Variants in ADAMTS4 observed in about 807,000 individuals in gnomAD.
The protein encoded by ADAMTS4 is ADAM metallopeptidase with thrombospondin type 1 motif 4.
In ADAMTS4, 38 loss-of-function variants were observed where a neutral mutation model predicts 66.7. That is an observed-to-expected ratio of 0.57 (90% CI 0.44 to 0.75). The LOEUF (loss-of-function observed/expected upper bound fraction) is 0.75, where lower values mean the gene tolerates loss of function less well. Ranked by LOEUF, ADAMTS4 falls within the 30% of genes least tolerant of loss-of-function variation. The pLI is 0.00. For synonymous variants in ADAMTS4, 418 were observed against 461.5 expected (o/e 0.91, Z 1.21); for missense variants, 1,014 against 1,116.7 (o/e 0.91, Z 1.31).
chr1:161,198,657 AG>A lies in ADAMTS4; in HGVS notation c.-31del. 1 of 1,466,974 alleles carries A rather than the reference AG, an allele frequency of 6.8e-7. No individual in the cohort carries two copies. Among genetic ancestry groups the A allele is most frequent in the Non-Finnish European group, 9.0e-7 (1 of 1,105,584 alleles). The allele number at this position is 1,466,974 out of a possible 1,614,324, so 90.9% of individuals were successfully genotyped here. On this transcript the variant is annotated 5_prime_UTR_variant, in exon 1 of 9. Coordinates refer to ENST00000367996, the MANE Select transcript of ADAMTS4 (RefSeq NM_005099.6). This position sits in a 1 kb window ranked among gnomAD's most constrained non-coding sequence, Gnocchi z 4.7. ...CTGGTACTGCAGCTGGGAGGGACTG[AG>A]GCCGTCTAGGGCACCAAGTCCTCCA...
Position 161,186,632 on chromosome 1 carries a change from C to G in ADAMTS4, c.*4506G>C, listed in dbSNP as rs1166453262. 2.0e-5 allele frequency: 3 copies of G among 152,152 alleles called. No individual in the cohort carries two copies. The highest frequency in any genetic ancestry group is 4.4e-5 in the Non-Finnish European group (3 of 68,044). The allele number at this position is 152,152 out of a possible 1,614,324, so 9.4% of individuals were successfully genotyped here. A position where few individuals can be genotyped will look rare whatever the true frequency, so the allele number is the denominator to read the frequency against. ...GGCTGAGGTGGGAGGATTACTCGAG[C>G]CCAGGAGTTCAAGGCTGTAGTAAGT... On this transcript the variant is annotated 3_prime_UTR_variant, in exon 9 of 9. Transcript: ENST00000367996.
In ADAMTS4 at chr1:161,194,244, A is replaced by C; in HGVS notation, c.1262-23T>G. 6.2e-7 allele frequency: 1 copy of C among 1,604,600 alleles called. No homozygotes were observed. The highest frequency in any genetic ancestry group is 2.2e-5 in the East Asian group (1 of 44,712). On this transcript the variant is annotated intron_variant, in intron 4 of 8. Coordinates refer to ENST00000367996, the MANE Select transcript of ADAMTS4 (RefSeq NM_005099.6). The surrounding 1 kb of genome is among the most constrained non-coding windows in gnomAD (Gnocchi z 4.1). The stretch of plus-strand genomic sequence containing the variant: ...GCCCTGGGAAGGGGGTTGGGGCACA[A>C]AGTCAGCAACGGGCTGAGGGGAGCA...
In ADAMTS4 at chr1:161,186,242, C is replaced by G. The variant is rs996646719; in HGVS notation, c.*4896G>C. ...CTCTTACAGGGAGATATGTGCCCCC[C>G]CACAATCCCATCCCTAGCAAGAACT... On this transcript the variant is annotated 3_prime_UTR_variant, in exon 9 of 9. Coordinates refer to ENST00000367996, the MANE Select transcript of ADAMTS4 (RefSeq NM_005099.6). The G allele has an allele frequency of 1.3e-5, 2 of 152,224 alleles. No individual in the cohort carries two copies. Among genetic ancestry groups the G allele is most frequent in the East Asian group, 1.9e-4 (1 of 5,188 alleles). 9.4% of individuals were successfully genotyped at this position (152,224 alleles called of 1,614,324 possible). A position where few individuals can be genotyped will look rare whatever the true frequency, so the allele number is the denominator to read the frequency against.
intron 3 of ADAMTS4, chr1:161,195,934 GACACAC>G (rs57224018): frequency 3.8e-3 from 1,683 of 438,110 alleles, no homozygotes; most frequent in East Asian, 0.015. Context: ...CACACACACA[GACACAC>G]ACACACACAC....
Position 161,193,656 on chromosome 1 carries a change from G to A in ADAMTS4, c.1719C>T (p.Asp573=). Residue 573 remains aspartate, a synonymous_variant, in exon 6 of 9, where the codon GAC becomes GAT. Transcript: ENST00000367996. This position sits in a 1 kb window ranked among gnomAD's most constrained non-coding sequence, Gnocchi z 4.4. ...RTRFRSCNTE[D]CPTGSALTFR... The stretch of plus-strand genomic sequence containing the variant: ...ACTCCTCACCTGAGCCAGTTGGGCA[G>A]TCCTCAGTGTTGCAGGAGCGGAAGC... The A allele has an allele frequency of 6.2e-7, 1 of 1,612,216 alleles. No individual in the cohort carries two copies. The highest frequency in any genetic ancestry group is 2.2e-5 in the East Asian group (1 of 44,878).
chr1:161,191,964 C>T, intron 8 of ADAMTS4, 101 bp downstream of exon 8: 2 of 1,372,066 alleles, frequency 1.5e-6, no homozygotes, highest in Non-Finnish European at 2.0e-6. Context: ...TCCCGCTAGA[C>T]TGTGAGCTCT....
rs1373536308 is a variant in ADAMTS4, at chr1:161,186,344, A to G, written c.*4794T>C. ...TGGTAAGGCAGAGACCATTCCAGAA[A>G]AGGGTCAGGCCTTGCCTGGGATTGA... On this transcript the variant is annotated 3_prime_UTR_variant, in exon 9 of 9. Coordinates refer to ENST00000367996, the MANE Select transcript of ADAMTS4 (RefSeq NM_005099.6). 2 of 152,222 alleles carry G rather than the reference A, an allele frequency of 1.3e-5. No homozygotes were observed. The allele number at this position is 152,222 out of a possible 1,614,324, so 9.4% of individuals were successfully genotyped here.
In ADAMTS4 at chr1:161,198,852, T is replaced by C; in HGVS notation, c.-225A>G. On this transcript the variant is annotated 5_prime_UTR_variant, in exon 1 of 9. Transcript: ENST00000367996. The surrounding 1 kb of genome is among the most constrained non-coding windows in gnomAD (Gnocchi z 4.7). ...GTCTGGCTTCTCCAAACTCTCCTCC[T>C]GAGCCCTCCTTTCCTGGATCTTTGT... The C allele has an allele frequency of 2.1e-6, 1 of 474,350 alleles. No individual in the cohort carries two copies. The highest frequency in any genetic ancestry group is 3.7e-6 in the Non-Finnish European group (1 of 270,196). 29.4% of individuals were successfully genotyped at this position (474,350 alleles called of 1,614,324 possible).
Position 161,191,308 on chromosome 1 carries a change from T to C in ADAMTS4, c.2344A>G (p.Thr782Ala). The change falls in exon 9 of 9, where the codon ACA (threonine) becomes GCA (alanine). Residue 782 changes from threonine to alanine, a missense_variant. Transcript: ENST00000367996. ...TTGCCAGCCACTAGGACTTGCAGTGTCAAAGGCTGGGCCAGTGGCCCATGG... is the reference window on the plus strand; with the variant it reads ...TTGCCAGCCACTAGGACTTGCAGTGCCAAAGGCTGGGCCAGTGGCCCATGG... ...SGHGPLAQPLTLQVLVAGNPQ... is the reference protein window; with the variant it reads ...SGHGPLAQPLALQVLVAGNPQ... The C allele has an allele frequency of 6.2e-7, 1 of 1,613,938 alleles. No homozygotes were observed. Among genetic ancestry groups the C allele is most frequent in the East Asian group, 2.2e-5 (1 of 44,884 alleles).
At position 161,198,156 on chromosome 1, in the gene ADAMTS4, C is replaced by T. The variant is rs775332575; in HGVS notation, c.472G>A (p.Ala158Thr). Reference sequence around the variant, plus strand: ...TCCAGGGGCTGGAGGTGGAGTTCAGCCCCCCGATATTGTAACACGCCTAAC... The same window carrying T: ...TCCAGGGGCTGGAGGTGGAGTTCAGTCCCCCGATATTGTAACACGCCTAAC... ...ALLGVLQYRG[A>T]ELHLQPLEGG... is the part of the protein sequence containing the mutation. The change falls in exon 1 of 9, where the codon GCT becomes ACT. Residue 158 changes from alanine (A) to threonine (T), a missense_variant. Transcript: ENST00000367996. This position sits in a 1 kb window ranked among gnomAD's most constrained non-coding sequence, Gnocchi z 4.7. 5 of 1,613,992 alleles carry T rather than the reference C, an allele frequency of 3.1e-6. No homozygotes were observed. Among genetic ancestry groups the T allele is most frequent in the South Asian group, 1.1e-5 (1 of 91,068 alleles).
At position 161,194,183 on chromosome 1, in the gene ADAMTS4, G is replaced by T; in HGVS notation, c.1300C>A (p.Leu434Met). Residue 434 changes from leucine (L) to methionine (M), a missense_variant, in exon 5 of 9, where the codon CTG becomes ATG. Physicochemically the swap from Leu to Met is conservative, Grantham distance 15. Transcript: ENST00000367996. The surrounding 1 kb of genome is among the most constrained non-coding windows in gnomAD (Gnocchi z 4.1). Reference protein sequence around the residue: ...LLDKPEAPLHLPVTFPGKDYD... With the variant: ...LLDKPEAPLHMPVTFPGKDYD... ...TCCTTGCCAGGGAAAGTCACAGGCA[G>T]ATGCAATGGAGCCTCTGGTTTGTCT... The T allele has an allele frequency of 6.2e-7, 1 of 1,614,170 alleles. No individual in the cohort carries two copies. The highest frequency in any genetic ancestry group is 8.5e-7 in the Non-Finnish European group (1 of 1,180,014).
At chr1:161,192,413 A>G (rs576930662) in intron 7 of ADAMTS4, among the ~76,000 whole-genome samples, 173 bp from the exon 8 acceptor site, 19 of 152,140 alleles carry the variant, frequency 1.2e-4, no homozygotes, top group Non-Finnish European at 2.5e-4. Flanking sequence ...TCATAACAAT[A>G]ATAATTATTA....
In ADAMTS4 at chr1:161,191,447, G is replaced by C; in HGVS notation, c.2205C>G (p.Ser735=). The C allele has an allele frequency of 6.2e-7, 1 of 1,614,186 alleles. No homozygotes were observed. Among genetic ancestry groups the C allele is most frequent in the Non-Finnish European group, 8.5e-7 (1 of 1,180,022 alleles). ...IYLALKLPDG[S]YALNGEYTLM... ...GCGTGTATTCACCATTGAGGGCATA[G>C]GAGCCATCTGGCAGCTTCAGGGCCA... The change falls in exon 9 of 9, where the codon TCC becomes TCG. Residue 735 remains serine (S), a synonymous_variant. Coordinates refer to ENST00000367996, the MANE Select transcript of ADAMTS4 (RefSeq NM_005099.6).
At chr1:161,197,627 A>C in intron 1 of ADAMTS4, 1 of 216,004 alleles carries the variant, frequency 4.6e-6, no homozygotes, top group Non-Finnish European at 9.1e-6. Context: ...GGGGGATGAA[A>C]ATCAAATTTG....
Position 161,198,312 on chromosome 1 carries a change from C to G in ADAMTS4, c.316G>C (p.Gly106Arg), listed in dbSNP as rs150003159. The change falls in exon 1 of 9, where the codon GGG (glycine) becomes CGG (arginine). Residue 106 changes from glycine to arginine, a missense_variant. Gly to Arg is a moderately radical substitution (Grantham distance 125). Coordinates refer to ENST00000367996, the MANE Select transcript of ADAMTS4 (RefSeq NM_005099.6). This position sits in a 1 kb window ranked among gnomAD's most constrained non-coding sequence, Gnocchi z 4.7. ...TGGCCCAGGTACTGCACTGTCAGCC[C>G]CTCGACCTGCACACCGGAGTCCTGC... ...LEQDSGVQVE[G>R]LTVQYLGQAP... The G allele has an allele frequency of 4.3e-6, 7 of 1,613,368 alleles. No homozygotes were observed. The highest frequency in any genetic ancestry group is 5.9e-6 in the Non-Finnish European group (7 of 1,180,028).
At position 161,191,281 on chromosome 1, in the gene ADAMTS4, G is replaced by GC; in HGVS notation, c.2370_2371insG (p.Pro791AlafsTer111). On this transcript the variant is annotated frameshift_variant, in exon 9 of 9. Coordinates refer to ENST00000367996, the MANE Select transcript of ADAMTS4 (RefSeq NM_005099.6). LOFTEE classifies it high-confidence loss of function. ...CTGTATCGGAGGCGTGTGTCCTGGGGGTTGCCAGCCACTAGGACTTGCAGT... is the reference window on the plus strand; with the variant it reads ...CTGTATCGGAGGCGTGTGTCCTGGGGCGTTGCCAGCCACTAGGACTTGCAGT... The GC allele has an allele frequency of 6.2e-7, 1 of 1,613,970 alleles. No individual in the cohort carries two copies. The highest frequency in any genetic ancestry group is 8.5e-7 in the Non-Finnish European group (1 of 1,180,028).
chr1:161,196,600 G>C lies in ADAMTS4; in HGVS notation c.914C>G (p.Ser305Trp), dbSNP rs746852468. 6.2e-7 allele frequency: 1 copy of C among 1,614,202 alleles called. No homozygotes were observed. Among genetic ancestry groups the C allele is most frequent in the East Asian group, 2.2e-5 (1 of 44,882 alleles). The part of the protein sequence containing the change: ...WQRGLNTPED[S>W]DPDHFDTAIL... ...GGCTGTGTCAAAGTGGTCAGGGTCCGAGTCCTCAGGGGTGTTGAGGCCCCG... is the reference window on the plus strand; with the variant it reads ...GGCTGTGTCAAAGTGGTCAGGGTCCCAGTCCTCAGGGGTGTTGAGGCCCCG... The change falls in exon 2 of 9, where the codon TCG (serine) becomes TGG (tryptophan). Residue 305 changes from serine to tryptophan, a missense_variant. By Grantham distance (177) the Ser-to-Trp change is radical. Coordinates refer to ENST00000367996, the MANE Select transcript of ADAMTS4 (RefSeq NM_005099.6).
rs565561947 is a variant in ADAMTS4 at position 161,193,809 on chromosome 1, G to A, written c.1566C>T (p.Gly522=). The A allele has an allele frequency of 1.1e-5, 18 of 1,608,026 alleles. No homozygotes were observed. In the South Asian group the frequency reaches 1.9e-4, roughly 17 times the overall value. ...CACCCCATGGTCCCCAAGGACCCCA[G>A]CCACCAGCCTGTGGAATCTGCAAAG... ...LQDFNIPQAG[G]WGPWGPWGDC... Residue 522 remains glycine, a synonymous_variant, in exon 6 of 9, where the codon GGC becomes GGT. Coordinates refer to ENST00000367996, the MANE Select transcript of ADAMTS4 (RefSeq NM_005099.6). This position sits in a 1 kb window ranked among gnomAD's most constrained non-coding sequence, Gnocchi z 4.4.
In ADAMTS4 at chr1:161,196,877, AGCGCTGT is replaced by A. The variant is rs1310259770; in HGVS notation, c.634-4_636del. The A allele has an allele frequency of 6.3e-7, 1 of 1,589,236 alleles. No individual in the cohort carries two copies. Among genetic ancestry groups the A allele is most frequent in the Non-Finnish European group, 8.5e-7 (1 of 1,170,604 alleles). ...TCCACAAATCTACTCAGTGAAGCAA[AGCGCTGT>A]AGAGAAAAAGGGAGAGGAAGATCCT... On this transcript the variant is annotated splice_acceptor_variant and splice_polypyrimidine_tract_variant and coding_sequence_variant and intron_variant, in exon 2 of 9. Coordinates refer to ENST00000367996, the MANE Select transcript of ADAMTS4 (RefSeq NM_005099.6). LOFTEE classifies it high-confidence loss of function.
Sources: gnomAD v4.1 joint callset for allele counts (sites outside exome capture counted in the v4.1 genomes callset) on GRCh38, gnomAD v4.1.1 for gene constraint, Gnocchi (gnomAD v3.1) non-coding constraint, MANE v1.5 for transcripts, NCBI Gene and HGNC (gene_info 2026-07-23, HGNC 2026-07-21) for gene names.